ERCC6L2: variants seen among roughly 807,000 people sequenced by gnomAD.
ERCC6L2 encodes DNA excision repair protein ERCC-6-like 2.
Under a neutral mutation model 132.0 loss-of-function variants are expected in ERCC6L2, and 77 were observed. That is an observed-to-expected ratio of 0.58 (90% confidence interval 0.49 to 0.71). The LOEUF (loss-of-function observed/expected upper bound fraction) is 0.71, where lower values mean the gene tolerates loss of function less well. Ranked by LOEUF, ERCC6L2 falls within the 30% of genes least tolerant of loss-of-function variation. ERCC6L2 has a pLI of 0.00. For synonymous variants in ERCC6L2, 583 were observed against 632.4 expected (o/e 0.92, Z 1.17); for missense variants, 1,542 against 1,837.6 (o/e 0.84, Z 2.94).
chr9:95,900,402 T>G (rs1442778327), intron 3 of ERCC6L2, among the ~76,000 whole-genome samples: 1 of 151,800 alleles, frequency 6.6e-6, no homozygotes, highest in Non-Finnish European at 1.5e-5. Context: ...AAAAAAAAGT[T>G]CCTTTCAGTA....
Position 95,921,054 on chromosome 9 carries a change from C to A in ERCC6L2, c.1159-121C>A, listed in dbSNP as rs547963748. The A allele has an allele frequency of 7.4e-5, 66 of 891,802 alleles. No individual in the cohort carries two copies. In the African/African-American group the frequency reaches 9.0e-4, roughly 12 times the overall value. The allele number at this position is 891,802 out of a possible 1,614,324, so 55.2% of individuals were successfully genotyped here. A position where few individuals can be genotyped will look rare whatever the true frequency, so the allele number is the denominator to read the frequency against. Reference sequence around the variant, plus strand: ...CTTCCCAAAGTATTGGGATTACAGGCGTGAGCCTCTGCGCCCGGCCAGTTT... The same window carrying A: ...CTTCCCAAAGTATTGGGATTACAGGAGTGAGCCTCTGCGCCCGGCCAGTTT... On this transcript the variant is annotated intron_variant, in intron 6 of 18. Transcript: ENST00000653738.
chr9:95,931,130 A>G lies in ERCC6L2; in HGVS notation c.1751+2266A>G, dbSNP rs116538052. Among the ~76,000 whole-genome samples, 1,432 of 152,308 alleles carry G rather than the reference A, an allele frequency of 9.4e-3. 28 individuals carry two copies. Among genetic ancestry groups the G allele is most frequent in the African/African-American group, 0.033 (1,360 of 41,574 alleles). On this transcript the variant is annotated intron_variant, in intron 11 of 18. Transcript: ENST00000653738. ...CAAGATCAGTCTTAACATCAACCTC[A>G]TATGACTTCTCTTTCCTAAGACTTC...
At chr9:95,989,096 C>G (rs1833200686) in intron 17 of ERCC6L2, among the ~76,000 whole-genome samples, 1 of 152,160 alleles carries the variant, frequency 6.6e-6, no homozygotes, top group Non-Finnish European at 1.5e-5. Context: ...GTGCTGTGCC[C>G]TCTGGGAATG....
intron 14 of ERCC6L2, chr9:95,968,242 T>C (rs1832255032): frequency 6.6e-6 from 1 of 152,212 alleles, no homozygotes; most frequent in Non-Finnish European, 1.5e-5. Flanking sequence ...ATCCATGTCT[T>C]ACATTTTCTT....
intron 13 of ERCC6L2, among the ~76,000 whole-genome samples, chr9:95,959,499 G>A (rs1831797719): frequency 6.6e-6 from 1 of 151,832 alleles, no homozygotes; most frequent in South Asian, 2.1e-4. Context: ...AACACCAAAA[G>A]CAATGGCAAC....
intron 11 of ERCC6L2, among the ~76,000 whole-genome samples, chr9:95,929,904 T>C (rs1306043779): frequency 6.6e-6 from 1 of 152,182 alleles, no homozygotes; most frequent in Non-Finnish European, 1.5e-5. Flanking sequence ...TCTCTTATCC[T>C]TCTTCTGCTC....
intron 1 of ERCC6L2, among the ~76,000 whole-genome samples, chr9:95,879,690 C>G (rs541883794): frequency 1.3e-5 from 2 of 152,220 alleles, no homozygotes; most frequent in African/African-American, 2.4e-5. Context: ...ATAACCTCAT[C>G]AAAGTTAGTG....
chr9:95,993,860 G>A (rs2133166800), intron 17 of ERCC6L2, among the ~76,000 whole-genome samples: 1 of 152,276 alleles, frequency 6.6e-6, no homozygotes, highest in East Asian at 1.9e-4. Flanking sequence ...TTTTGGATTT[G>A]AATCTAAATG....
chr9:95,914,778 TTGA>T, intron 4 of ERCC6L2, among the ~76,000 whole-genome samples: 1 of 152,340 alleles, frequency 6.6e-6, no homozygotes, highest in South Asian at 2.1e-4. Context: ...GTTTTTAACT[TTGA>T]TGAAGTCCAA....
At chr9:95,928,935 T>A in intron 11 of ERCC6L2, 71 bp downstream of exon 11, 1 of 1,178,254 alleles carries the variant, frequency 8.5e-7, no homozygotes, top group Non-Finnish European at 1.2e-6. Context: ...TTTTTAAAAC[T>A]ATTACTGGAT....
At chr9:95,897,036 T>C (rs939660763) in intron 2 of ERCC6L2, among the ~76,000 whole-genome samples, 2 of 151,380 alleles carry the variant, frequency 1.3e-5, no homozygotes, top group South Asian at 4.2e-4. Flanking sequence ...AATTCTCACA[T>C]AGTTTTTTGT....
intron 3 of ERCC6L2, among the ~76,000 whole-genome samples, chr9:95,900,604 GT>G (rs2132623477): frequency 6.6e-6 from 1 of 152,238 alleles, no homozygotes; most frequent in East Asian, 1.9e-4. Flanking sequence ...GACAATTCTA[GT>G]TTTGTTGCAT....
intron 4 of ERCC6L2, among the ~76,000 whole-genome samples, chr9:95,907,604 C>T (rs1829111408): frequency 6.6e-6 from 1 of 151,958 alleles, no homozygotes; most frequent in African/African-American, 2.4e-5. Context: ...AACTTACTCT[C>T]TGAGAAGGAA....
At chr9:96,010,576 A>G (rs1167215972) in intron 18 of ERCC6L2, among the ~76,000 whole-genome samples, 1 of 152,198 alleles carries the variant, frequency 6.6e-6, no homozygotes, top group East Asian at 1.9e-4. Context: ...CTGAGCCTGT[A>G]CATGCACCCT....
intron 17 of ERCC6L2, among the ~76,000 whole-genome samples, chr9:95,988,592 A>T (rs1260274000): frequency 1.3e-5 from 2 of 152,220 alleles, no homozygotes; most frequent in African/African-American, 4.8e-5. Flanking sequence ...CTTGTTCAAA[A>T]AACTTTTTTG....
chr9:96,018,954 G>A (rs988727651), downstream of ERCC6L2, among the ~76,000 whole-genome samples: 4 of 151,920 alleles, frequency 2.6e-5, no homozygotes, highest in Non-Finnish European at 4.4e-5. Context: ...TATCTTTTTC[G>A]TTAGCTAAAT....
chr9:95,897,758 T>A, intron 2 of ERCC6L2, 91 bp from the exon 3 acceptor site: 6 of 1,288,696 alleles, frequency 4.7e-6, no homozygotes, highest in Non-Finnish European at 5.5e-6. Flanking sequence ...TTGTACATAC[T>A]TTGTCACTAA....
chr9:95,933,070 T>C (rs1273051942), intron 11 of ERCC6L2, among the ~76,000 whole-genome samples: 2 of 152,158 alleles, frequency 1.3e-5, no homozygotes, highest in African/African-American at 4.8e-5. Context: ...ACTGAAGTTA[T>C]TACTTCAGAA....
At position 95,904,259 on chromosome 9, in the gene ERCC6L2, G is replaced by T. The variant is rs534084396; in HGVS notation, c.595-2819G>T. Among the ~76,000 whole-genome samples, 5 of 152,004 alleles carry T rather than the reference G, an allele frequency of 3.3e-5. No individual in the cohort carries two copies. The South Asian group carries it at 8.3e-4, about 25-fold the overall frequency. On this transcript the variant is annotated intron_variant, in intron 3 of 18. Coordinates refer to ENST00000653738, the MANE Select transcript of ERCC6L2 (RefSeq NM_020207.7). ...ATTTTGATATCACACTTCTTTCCAC[G>T]TGGAACCTTTGTTTCAACTCTACTG...
Sources: gnomAD v4.1 joint callset for allele counts (sites outside exome capture counted in the v4.1 genomes callset) on GRCh38, gnomAD v4.1.1 for gene constraint, MANE v1.5 for transcripts, NCBI Gene and HGNC (gene_info 2026-07-23, HGNC 2026-07-21) for gene names.